Variants in CFAP20DC observed in about 807,000 individuals in gnomAD.
CFAP20DC encodes CFAP20 domain containing, also known as protein CFAP20DC.
CFAP20DC carries 84 observed loss-of-function variants against 101.7 expected under a neutral mutation model. That is an observed-to-expected ratio of 0.83 (90% CI 0.69 to 0.99). The LOEUF is 0.99. CFAP20DC is among the 50% of genes least tolerant of loss of function. The pLI, the probability that CFAP20DC is intolerant of heterozygous loss-of-function variation, is 0.00. For synonymous variants in CFAP20DC, 359 were observed against 351.2 expected (o/e 1.02, Z -0.25); for missense variants, 1,007 against 970.3 (o/e 1.04, Z -0.50).
intron 15 of CFAP20DC, among the ~76,000 whole-genome samples, chr3:58,798,610 C>T (rs1262959760): frequency 6.6e-6 from 1 of 152,178 alleles, no homozygotes; most frequent in Non-Finnish European, 1.5e-5. Context: ...GCAAGATTAA[C>T]TCCAATTTTG....
At chr3:58,906,772 GA>G (rs1197866821) in intron 6 of CFAP20DC, among the ~76,000 whole-genome samples, 1 of 151,848 alleles carries the variant, frequency 6.6e-6, no homozygotes, top group South Asian at 2.1e-4. Context: ...ACTCAAAATA[GA>G]AAAAAATTAG....
intron 15 of CFAP20DC, among the ~76,000 whole-genome samples, chr3:58,793,986 G>C (rs1250583182): frequency 1.3e-5 from 2 of 152,166 alleles, no homozygotes; most frequent in African/African-American, 4.8e-5. Context: ...CAAATAAAGA[G>C]AATCAAAGAC....
intron 4 of CFAP20DC, among the ~76,000 whole-genome samples, chr3:58,941,305 G>T (rs2088531498): frequency 7.8e-6 from 1 of 128,908 alleles, no homozygotes; most frequent in African/African-American, 3.0e-5. Context: ...CTCCAGCCTG[G>T]CGACAGAGCG....
intron 4 of CFAP20DC, among the ~76,000 whole-genome samples, chr3:58,956,062 C>T (rs186097180): frequency 3.5e-4 from 53 of 151,284 alleles, no homozygotes; most frequent in Non-Finnish European, 6.6e-4. Flanking sequence ...ACACTGAGGG[C>T]CTAAGACTTG....
chr3:58,809,428 TG>T (rs2074411535), intron 14 of CFAP20DC, among the ~76,000 whole-genome samples: 1 of 152,112 alleles, frequency 6.6e-6, no homozygotes, highest in African/African-American at 2.4e-5. Flanking sequence ...ACATGGAAAC[TG>T]AACAACCTGC....
At chr3:58,820,764 G>A (rs2075572844) in intron 14 of CFAP20DC, among the ~76,000 whole-genome samples, 1 of 146,398 alleles carries the variant, frequency 6.8e-6, no homozygotes, top group East Asian at 2.1e-4. Flanking sequence ...AGCTACCAAT[G>A]ACTTTCTTCA....
intron 3 of CFAP20DC, among the ~76,000 whole-genome samples, chr3:58,719,540 C>T (rs1374063821): frequency 9.2e-5 from 14 of 152,184 alleles, no homozygotes; most frequent in Admixed American, 9.2e-4. Context: ...CCAGATTTTT[C>T]AGCTACAATT....
intron 4 of CFAP20DC, among the ~76,000 whole-genome samples, chr3:58,995,978 CT>C (rs1239455644): frequency 8.2e-5 from 11 of 133,504 alleles, no homozygotes; most frequent in South Asian, 6.6e-4. Flanking sequence ...TATAATAAAT[CT>C]ATCTATCTAT....
intron 15 of CFAP20DC, among the ~76,000 whole-genome samples, chr3:58,780,482 T>G (rs750027000): frequency 6.6e-6 from 1 of 151,976 alleles, no homozygotes; most frequent in Non-Finnish European, 1.5e-5. Context: ...TGTTTCCATT[T>G]AAAAGGTATA....
chr3:58,817,062 G>C (rs2075239247), intron 14 of CFAP20DC, among the ~76,000 whole-genome samples: 1 of 152,032 alleles, frequency 6.6e-6, no homozygotes, highest in Non-Finnish European at 1.5e-5. Context: ...TATTCCAACA[G>C]ACCTGCAGCT....
rs1474392166 is a variant in CFAP20DC, at chr3:58,874,106, C to T, written c.716-3797G>A. Among the ~76,000 whole-genome samples the T allele has an allele frequency of 6.6e-6, 1 of 152,254 alleles. No individual in the cohort carries two copies. Among genetic ancestry groups the T allele is most frequent in the Non-Finnish European group, 1.5e-5 (1 of 68,048 alleles). ...CTCCACTCCTTATATCCAGTAGCCT[C>T]TTTACCAGCTCCTCTTCAGTGTCTG... On this transcript the variant is annotated intron_variant, in intron 7 of 16. Transcript: ENST00000482387. This position sits in a 1 kb window ranked among gnomAD's most constrained non-coding sequence, Gnocchi z 5.1.
At chr3:58,932,271 T>C (rs1479938061) in intron 5 of CFAP20DC, among the ~76,000 whole-genome samples, 1 of 152,136 alleles carries the variant, frequency 6.6e-6, no homozygotes, top group African/African-American at 2.4e-5. Flanking sequence ...TATGGGACTA[T>C]GTGAAAAGAC....
intron 12 of CFAP20DC, among the ~76,000 whole-genome samples, chr3:58,852,377 C>T (rs1290977142): frequency 6.6e-6 from 1 of 151,830 alleles, no homozygotes; most frequent in Non-Finnish European, 1.5e-5. Flanking sequence ...TAGACTCCCA[C>T]ACATTAATAA....
At chr3:58,756,525 C>T (rs1195847722) in intron 15 of CFAP20DC, among the ~76,000 whole-genome samples, 1 of 151,940 alleles carries the variant, frequency 6.6e-6, no homozygotes, top group Non-Finnish European at 1.5e-5. Context: ...AGGCTTTTTT[C>T]TCCTTTCTTG....
chr3:58,760,803 T>C (rs1428671893), intron 15 of CFAP20DC, among the ~76,000 whole-genome samples: 1 of 152,192 alleles, frequency 6.6e-6, no homozygotes, highest in African/African-American at 2.4e-5. Context: ...CATGTGGTTT[T>C]TGTCATTGGT....
intron 15 of CFAP20DC, among the ~76,000 whole-genome samples, chr3:58,785,946 A>G (rs2072296928): frequency 6.6e-6 from 1 of 152,016 alleles, no homozygotes; most frequent in African/African-American, 2.4e-5. Context: ...CCTCCCATAT[A>G]TTTACCTTCT....
intron 14 of CFAP20DC, among the ~76,000 whole-genome samples, chr3:58,807,439 G>A (rs557843656): frequency 2.6e-5 from 4 of 152,270 alleles, no homozygotes; most frequent in South Asian, 4.1e-4. Flanking sequence ...CCACCGCTGC[G>A]GATACCCAGG....
chr3:58,751,334 G>A (rs894559751), intron 16 of CFAP20DC, among the ~76,000 whole-genome samples: 1 of 152,188 alleles, frequency 6.6e-6, no homozygotes, highest in African/African-American at 2.4e-5. Flanking sequence ...ATCTACTTAG[G>A]TAAGACTGTC....
In CFAP20DC at chr3:59,043,132, T is replaced by A. The variant is rs191976308; in HGVS notation, c.205+3097A>T. Among the ~76,000 whole-genome samples, 12 of 152,218 alleles carry A rather than the reference T, an allele frequency of 7.9e-5. No homozygotes were observed. In the East Asian group the frequency reaches 2.3e-3, roughly 29 times the overall value. The stretch of plus-strand genomic sequence containing the variant: ...AGGAGAGAAGTCTGAGCTGGAAATG[T>A]AAGCTAGAGTAAGACAGAGATGGCA... On this transcript the variant is annotated intron_variant, in intron 3 of 16. Transcript: ENST00000482387.
Sources: allele counts gnomAD v4.1 joint callset (sites outside exome capture counted in the v4.1 genomes callset), GRCh38; gene constraint gnomAD v4.1.1; non-coding constraint Gnocchi (gnomAD v3.1); transcripts MANE v1.5; gene names NCBI Gene and HGNC (gene_info 2026-07-23, HGNC 2026-07-21).